Variants in TRDN observed in about 807,000 individuals in gnomAD.
The protein encoded by TRDN is triadin.
In TRDN, 161 loss-of-function variants were observed where a neutral mutation model predicts 149.7. The ratio of observed to expected loss-of-function variants is 1.08; its 90% CI spans 0.95 to 1.23. The LOEUF is 1.23. TRDN is among the 50% of genes most tolerant of loss of function. TRDN has a pLI of 0.00. For missense variants in TRDN, 896 were observed against 823.5 expected, an observed-to-expected ratio of 1.09 and a Z score of -1.08; for synonymous variants, 294 against 250.5, an observed-to-expected ratio of 1.17 and a Z score of -1.64.
intron 12 of TRDN, among the ~76,000 whole-genome samples, chr6:123,410,419 T>C (rs1773384516): frequency 6.6e-6 from 1 of 152,074 alleles, no homozygotes; most frequent in Non-Finnish European, 1.5e-5. Context: ...ACCAAATAGT[T>C]TACAGCAAAA....
chr6:123,232,901 C>T (rs773804275), intron 38 of TRDN, among the ~76,000 whole-genome samples: 5 of 151,944 alleles, frequency 3.3e-5, no homozygotes, highest in African/African-American at 7.3e-5. Context: ...AAATAATGCA[C>T]GTATATGTAC....
At chr6:123,467,540 A>T (rs1583089423) in intron 9 of TRDN, among the ~76,000 whole-genome samples, 1 of 152,032 alleles carries the variant, frequency 6.6e-6, no homozygotes, top group African/African-American at 2.4e-5. Flanking sequence ...AAAAAAAATT[A>T]AAAAAAGAAA....
At chr6:123,454,765 A>C (rs1177845978) in intron 10 of TRDN, among the ~76,000 whole-genome samples, 1 of 152,186 alleles carries the variant, frequency 6.6e-6, no homozygotes, top group Non-Finnish European at 1.5e-5. Flanking sequence ...CTGCACATGC[A>C]AGGGATCTAG....
intron 38 of TRDN, among the ~76,000 whole-genome samples, chr6:123,239,551 T>C (rs897198656): frequency 2.0e-5 from 3 of 152,138 alleles, no homozygotes; most frequent in Non-Finnish European, 4.4e-5. Flanking sequence ...TTCCTGTGAT[T>C]ACTACACAAT....
chr6:123,437,283 C>T (rs147906511), intron 12 of TRDN: 81 of 260,896 alleles, frequency 3.1e-4, no homozygotes, highest in Admixed American at 5.4e-4. Context: ...TCTTTCTGAC[C>T]TTCAGCAGCT....
At chr6:123,388,768 AT>A (rs565514812) in intron 13 of TRDN, among the ~76,000 whole-genome samples, 79 of 152,312 alleles carry the variant, frequency 5.2e-4, no homozygotes, top group African/African-American at 1.8e-3. Flanking sequence ...GAAGAAAAAA[AT>A]ATATGGAGTT....
intron 9 of TRDN, 55 bp downstream of exon 9, chr6:123,497,138 A>C: frequency 7.2e-7 from 1 of 1,387,322 alleles, no homozygotes; most frequent in South Asian, 1.4e-5. Context: ...AAAAGCCCAC[A>C]ATCTTAGAAA....
In TRDN at chr6:123,279,037, G is replaced by GTTT; in HGVS notation, c.1537+18_1537+19insAAA. On this transcript the variant is annotated intron_variant, in intron 25 of 40. Coordinates refer to ENST00000334268, the MANE Select transcript of TRDN (RefSeq NM_006073.4). Reference sequence around the variant, plus strand: ...GTACATATGTACGTGTTTGTTTATTGAGCATGCATATAACATACGTGGAGG... The same window carrying GTTT: ...GTACATATGTACGTGTTTGTTTATTGTTTAGCATGCATATAACATACGTGGAGG... The GTTT allele has an allele frequency of 1.5e-5, 24 of 1,602,468 alleles. No individual in the cohort carries two copies. The highest frequency in any genetic ancestry group is 2.0e-5 in the Non-Finnish European group (24 of 1,175,234).
chr6:123,410,342 T>G (rs373318581), intron 12 of TRDN, among the ~76,000 whole-genome samples: 2 of 152,002 alleles, frequency 1.3e-5, no homozygotes, highest in Admixed American at 1.3e-4. Flanking sequence ...CACCATGCAT[T>G]TTCTCCCCTT....
At chr6:123,345,648 A>C (rs1053431232) in intron 21 of TRDN, among the ~76,000 whole-genome samples, 7 of 152,092 alleles carry the variant, frequency 4.6e-5, no homozygotes, top group Non-Finnish European at 8.8e-5. Context: ...TCAATTTAGG[A>C]AGAATTGGCA....
At chr6:123,544,981 A>G (rs1182531460) in intron 4 of TRDN, among the ~76,000 whole-genome samples, 3 of 151,984 alleles carry the variant, frequency 2.0e-5, no homozygotes, top group Non-Finnish European at 4.4e-5. Flanking sequence ...ACCATAAATA[A>G]CAAACTGGCT....
At chr6:123,634,857 G>C (rs1786210823) in intron 1 of TRDN, among the ~76,000 whole-genome samples, 2 of 151,868 alleles carry the variant, frequency 1.3e-5, no homozygotes, top group Admixed American at 1.3e-4. Flanking sequence ...GAATTAGATG[G>C]TATTTCTACT....
chr6:123,624,371 G>A (rs1785544923), intron 1 of TRDN, among the ~76,000 whole-genome samples: 1 of 152,142 alleles, frequency 6.6e-6, no homozygotes. Context: ...AAACTGAGCA[G>A]TGAAATCTGG....
At chr6:123,525,863 T>C (rs1779919917) in intron 5 of TRDN, among the ~76,000 whole-genome samples, 1 of 152,066 alleles carries the variant, frequency 6.6e-6, no homozygotes, top group African/African-American at 2.4e-5. Context: ...GAAGTTTATT[T>C]ATTGAAAAGA....
intron 5 of TRDN, chr6:123,529,292 T>C (rs769836240): frequency 3.3e-5 from 51 of 1,548,862 alleles, no homozygotes; most frequent in Non-Finnish European, 3.9e-5. Context: ...TGTGTCCAAC[T>C]TCTGTGATCA....
intron 8 of TRDN, among the ~76,000 whole-genome samples, chr6:123,500,233 A>G (rs923526648): frequency 2.0e-5 from 3 of 152,168 alleles, no homozygotes; most frequent in Middle Eastern, 3.2e-3. Context: ...TGGCACCAAT[A>G]TATCAATAGG....
At chr6:123,332,018 G>C in intron 22 of TRDN, 89 bp from the exon 23 acceptor site, 1 of 1,015,256 alleles carries the variant, frequency 9.8e-7, no homozygotes, top group Non-Finnish European at 1.4e-6. Context: ...GAAAGTATCA[G>C]TAAGCTGAAA....
chr6:123,347,601 T>C (rs1780305369), intron 21 of TRDN, among the ~76,000 whole-genome samples: 1 of 152,088 alleles, frequency 6.6e-6, no homozygotes, highest in African/African-American at 2.4e-5. Flanking sequence ...TATTTTAAGG[T>C]ATTTTCATTT....
At chr6:123,524,061 T>C (rs139896970) in intron 5 of TRDN, among the ~76,000 whole-genome samples, 57 of 152,228 alleles carry the variant, frequency 3.7e-4, no homozygotes, top group African/African-American at 1.3e-3. Flanking sequence ...CATTAATGGC[T>C]CCAGGCTGGA....
Sources: allele counts gnomAD v4.1 joint callset (sites outside exome capture counted in the v4.1 genomes callset), GRCh38; gene constraint gnomAD v4.1.1; transcripts MANE v1.5; gene names NCBI Gene and HGNC (gene_info 2026-07-23, HGNC 2026-07-21).